The following IFT43 variants were observed in gnomAD, a reference collection of about 807,000 sequenced individuals.
IFT43 encodes intraflagellar transport 43, also known as intraflagellar transport protein 43 homolog.
IFT43 carries 33 observed loss-of-function variants against 32.3 expected under a neutral mutation model. The ratio of observed to expected loss-of-function variants is 1.02; its 90% CI spans 0.77 to 1.37. The LOEUF is 1.37. Ranked by LOEUF, IFT43 falls within the 40% of genes most tolerant of loss-of-function variation. The pLI is 0.00. For synonymous variants in IFT43, 93 were observed against 98.2 expected, an observed-to-expected ratio of 0.95 and a Z score of 0.31; for missense variants, 274 against 265.9, an observed-to-expected ratio of 1.03 and a Z score of -0.21.
chr14:76,036,126 T>C (rs1281386541), intron 3 of IFT43, among the ~76,000 whole-genome samples: 1 of 152,226 alleles, frequency 6.6e-6, no homozygotes, highest in East Asian at 1.9e-4. Flanking sequence ...AGATAATTTT[T>C]ATTAATTGAT....
At chr14:76,041,769 A>G (rs2036711923) in intron 3 of IFT43, among the ~76,000 whole-genome samples, 1 of 152,114 alleles carries the variant, frequency 6.6e-6, no homozygotes, top group Non-Finnish European at 1.5e-5. Context: ...TTATGTAAAC[A>G]GATCACATTA....
intron 2 of IFT43, among the ~76,000 whole-genome samples, chr14:76,009,426 G>A (rs766783886): frequency 6.6e-5 from 10 of 152,052 alleles, no homozygotes; most frequent in South Asian, 2.1e-4. Context: ...CTTTGAATTC[G>A]TTAATGTATT....
intron 3 of IFT43, among the ~76,000 whole-genome samples, chr14:76,054,025 T>A (rs1173060363): frequency 6.6e-6 from 1 of 152,202 alleles, no homozygotes; most frequent in Non-Finnish European, 1.5e-5. Flanking sequence ...TAGAAGAAAG[T>A]CGGCAACTCA....
intron 2 of IFT43, among the ~76,000 whole-genome samples, chr14:75,999,264 T>TAC: frequency 3.8e-5 from 1 of 26,118 alleles, no homozygotes; most frequent in East Asian, 1.4e-3. Context: ...TATATATATA[T>TAC]ATATATATGT....
intron 2 of IFT43, among the ~76,000 whole-genome samples, chr14:75,993,654 G>A (rs995245319): frequency 3.9e-5 from 6 of 152,194 alleles, no homozygotes; most frequent in Non-Finnish European, 7.3e-5. Context: ...AGAGTCCAGT[G>A]GAGGGCAGAG....
intron 2 of IFT43, among the ~76,000 whole-genome samples, chr14:76,009,391 A>AC (rs1458147012): frequency 3.3e-5 from 5 of 152,248 alleles, no homozygotes; most frequent in African/African-American, 1.2e-4. Flanking sequence ...GGTGAAATAG[A>AC]CATTGGATAT....
chr14:76,079,647 GAAAAT>G (rs1431419165), intron 5 of IFT43, among the ~76,000 whole-genome samples: 1 of 152,144 alleles, frequency 6.6e-6, no homozygotes, highest in African/African-American at 2.4e-5. Context: ...TGAAGAAAAG[GAAAAT>G]AAAATAAACA....
At chr14:76,011,828 A>T (rs1444089762) in intron 2 of IFT43, among the ~76,000 whole-genome samples, 11 of 152,302 alleles carry the variant, frequency 7.2e-5, no homozygotes, top group Non-Finnish European at 1.3e-4. Flanking sequence ...TTGAGGCAGG[A>T]GGAAGAAACT....
intron 3 of IFT43, among the ~76,000 whole-genome samples, chr14:76,042,107 G>GACACAC (rs3086751): frequency 5.3e-5 from 8 of 149,830 alleles, no homozygotes; most frequent in Non-Finnish European, 1.2e-4. Context: ...TATGGACGAG[G>GACACAC]ACACACACAC....
chr14:76,053,504 A>G (rs2036954574), intron 3 of IFT43, among the ~76,000 whole-genome samples: 2 of 152,280 alleles, frequency 1.3e-5, no homozygotes, highest in South Asian at 4.1e-4. Flanking sequence ...CACATCGTCT[A>G]CCTGAGAAGC....
At chr14:76,016,670 ATTC>A (rs1161219542) in intron 2 of IFT43, among the ~76,000 whole-genome samples, 1 of 152,180 alleles carries the variant, frequency 6.6e-6, no homozygotes, top group African/African-American at 2.4e-5. Context: ...AACAATATTA[ATTC>A]TTCTGATCCA....
chr14:75,990,710 A>T (rs114311651), intron 2 of IFT43, among the ~76,000 whole-genome samples: 1,593 of 152,276 alleles, frequency 0.01, 33 homozygotes, highest in African/African-American at 0.036. Flanking sequence ...GTGAAAGAAG[A>T]TATACCAGAC....
intron 2 of IFT43, among the ~76,000 whole-genome samples, chr14:76,006,340 A>G (rs964335145): frequency 6.6e-6 from 1 of 152,166 alleles, no homozygotes; most frequent in Non-Finnish European, 1.5e-5. Context: ...TTATGGATTA[A>G]GTGACTGTTC....
At chr14:75,988,607 C>T (rs1293125425) in intron 1 of IFT43, among the ~76,000 whole-genome samples, 1 of 152,128 alleles carries the variant, frequency 6.6e-6, no homozygotes, top group African/African-American at 2.4e-5. Context: ...CAACCTCCGC[C>T]TCCCAGGTTC....
chr14:75,997,678 A>G (rs1404655699), intron 2 of IFT43, among the ~76,000 whole-genome samples: 1 of 152,202 alleles, frequency 6.6e-6, no homozygotes, highest in Non-Finnish European at 1.5e-5. Flanking sequence ...CTATTTAGGC[A>G]AAGTGACCAG....
At chr14:76,012,617 A>G (rs1197209463) in intron 2 of IFT43, among the ~76,000 whole-genome samples, 1 of 152,232 alleles carries the variant, frequency 6.6e-6, no homozygotes, top group Non-Finnish European at 1.5e-5. Flanking sequence ...TCCGTCCATC[A>G]GGCGGCAGCC....
chr14:76,038,924 T>G (rs146794367), intron 3 of IFT43, among the ~76,000 whole-genome samples: 316 of 152,266 alleles, frequency 2.1e-3, no homozygotes, highest in African/African-American at 7.3e-3. Context: ...TAGTTAGACC[T>G]CGCTCTAACT....
intron 3 of IFT43, among the ~76,000 whole-genome samples, chr14:76,030,845 A>G (rs975303220): frequency 2.0e-5 from 3 of 151,898 alleles, no homozygotes; most frequent in African/African-American, 7.2e-5. Flanking sequence ...TTGAATATGT[A>G]GAACATTTAC....
intron 3 of IFT43, among the ~76,000 whole-genome samples, chr14:76,042,387 GT>G: frequency 2.0e-5 from 3 of 152,178 alleles, no homozygotes; most frequent in African/African-American, 7.2e-5. Flanking sequence ...GCTGCCTTCT[GT>G]TTTTATGCCC....
Sources: gnomAD v4.1 joint callset for allele counts (sites outside exome capture counted in the v4.1 genomes callset) on GRCh38, gnomAD v4.1.1 for gene constraint, MANE v1.5 for transcripts, NCBI Gene and HGNC (gene_info 2026-07-23, HGNC 2026-07-21) for gene names.